Variants in NICOL1 observed in about 807,000 individuals in gnomAD.
The protein encoded by NICOL1 is NELL2 interacting cell ontogeny regulator 1.
the NICOL1 span, among the ~76,000 whole-genome samples, chr4:2,038,359 C>A: frequency 2.7e-5 from 4 of 149,942 alleles, no homozygotes; most frequent in Non-Finnish European, 5.9e-5. Flanking sequence ...ACGACCATGA[C>A]TCACTGCAGC....
the NICOL1 span, among the ~76,000 whole-genome samples, chr4:2,040,949 G>C: frequency 2.0e-5 from 3 of 151,958 alleles, no homozygotes; most frequent in Admixed American, 6.6e-5. Flanking sequence ...CTTGTGCCGG[G>C]AAGACCACCG....
the NICOL1 span, chr4:2,042,721 C>A: frequency 4.0e-6 from 6 of 1,501,708 alleles, no homozygotes; most frequent in Non-Finnish European, 5.3e-6. Flanking sequence ...CCACCCTGAC[C>A]CGCGCCCCCC....
the NICOL1 span, among the ~76,000 whole-genome samples, chr4:2,038,001 C>G: frequency 3.3e-5 from 5 of 151,244 alleles, no homozygotes; most frequent in African/African-American, 9.7e-5. Context: ...TTCTAGGATG[C>G]TATTTTTGTT....
the NICOL1 span, among the ~76,000 whole-genome samples, chr4:2,039,632 C>T: frequency 5.3e-5 from 8 of 151,950 alleles, no homozygotes; most frequent in Non-Finnish European, 1.0e-4. Context: ...GTCAGGAGTT[C>T]GAGACCAGCC....
the NICOL1 span, chr4:2,043,924 T>C: frequency 1.3e-6 from 2 of 1,548,108 alleles, no homozygotes; most frequent in Non-Finnish European, 1.7e-6. Context: ...AGCGGGGCAC[T>C]GAGGACCACG....
chr4:2,042,401 C>CTGCT, the NICOL1 span: 28 of 426,438 alleles, frequency 6.6e-5, no homozygotes, highest in African/African-American at 1.1e-4. Context: ...CCGCCGCCGC[C>CTGCT]GCTGCTGCTG....
the NICOL1 span, among the ~76,000 whole-genome samples, chr4:2,038,237 G>GTGTATA: frequency 8.6e-3 from 784 of 91,404 alleles, 23 homozygotes; most frequent in Non-Finnish European, 0.012. Flanking sequence ...TGATCAGTGT[G>GTGTATA]TATATATATA....
At chr4:2,038,237 G>GTGTGTGTATA in the NICOL1 span, among the ~76,000 whole-genome samples, 10 of 91,454 alleles carry the variant, frequency 1.1e-4, no homozygotes, top group African/African-American at 1.8e-4. Context: ...TGATCAGTGT[G>GTGTGTGTATA]TATATATATA....
chr4:2,042,368 C>T, the NICOL1 span: 2 of 512,640 alleles, frequency 3.9e-6, no homozygotes, highest in South Asian at 2.9e-5. Context: ...CCCCCGCCCG[C>T]GTGCCGGTCC....
the NICOL1 span, among the ~76,000 whole-genome samples, chr4:2,040,863 G>C: frequency 3.0e-3 from 358 of 120,372 alleles, 3 homozygotes; most frequent in African/African-American, 0.011. Flanking sequence ...CCCACTCTTA[G>C]GGTCAGGACA....
At chr4:2,039,647 C>G in the NICOL1 span, among the ~76,000 whole-genome samples, 1 of 151,884 alleles carries the variant, frequency 6.6e-6, no homozygotes, top group Non-Finnish European at 1.5e-5. Flanking sequence ...CCAGCCTGCC[C>G]AACATGGCAA....
At chr4:2,038,207 T>C in the NICOL1 span, among the ~76,000 whole-genome samples, 1 of 142,700 alleles carries the variant, frequency 7.0e-6, no homozygotes, top group African/African-American at 2.6e-5. Flanking sequence ...TTATTTGACA[T>C]GTTTAAAGCC....
the NICOL1 span, among the ~76,000 whole-genome samples, chr4:2,038,702 C>T: frequency 6.6e-6 from 1 of 152,188 alleles, no homozygotes; most frequent in African/African-American, 2.4e-5. Context: ...TCCTTACCAA[C>T]TCATTTCCTG....
At chr4:2,041,585 A>C in the NICOL1 span, 1 of 176,328 alleles carries the variant, frequency 5.7e-6, no homozygotes, top group Non-Finnish European at 1.2e-5. Context: ...CCGATCCCCC[A>C]GACCAGCTCT....
At chr4:2,038,237 G>GTGTGTGTATATATATATA in the NICOL1 span, among the ~76,000 whole-genome samples, 2 of 91,468 alleles carry the variant, frequency 2.2e-5, no homozygotes, top group African/African-American at 7.2e-5. Context: ...TGATCAGTGT[G>GTGTGTGTATATATATATA]TATATATATA....
the NICOL1 span, chr4:2,041,777 C>G: frequency 2.1e-6 from 1 of 478,390 alleles, no homozygotes; most frequent in African/African-American, 2.0e-5. Context: ...GCCTTGCGCT[C>G]TGGAGGTCTC....
the NICOL1 span, among the ~76,000 whole-genome samples, chr4:2,040,489 C>T: frequency 1.3e-5 from 2 of 152,172 alleles, no homozygotes; most frequent in Non-Finnish European, 2.9e-5. Flanking sequence ...GCCTGCGGCC[C>T]GGCGCGTCCC....
the NICOL1 span, among the ~76,000 whole-genome samples, chr4:2,038,254 T>C: frequency 1.6e-5 from 1 of 63,550 alleles, no homozygotes; most frequent in Non-Finnish European, 3.1e-5. Context: ...TATATATATA[T>C]ATATATATAT....
At chr4:2,043,592 C>T in the NICOL1 span, among the ~76,000 whole-genome samples, 1 of 152,174 alleles carries the variant, frequency 6.6e-6, no homozygotes, top group African/African-American at 2.4e-5. Context: ...GGACAGTGGA[C>T]CCCTGCGGGT....
Sources: gnomAD v4.1 joint callset for allele counts (sites outside exome capture counted in the v4.1 genomes callset) on GRCh38, gnomAD v4.1.1 for gene constraint, MANE v1.5 for transcripts, NCBI Gene and HGNC (gene_info 2026-07-23, HGNC 2026-07-21) for gene names.